The following EPG5 variants were observed in gnomAD, a reference collection of about 807,000 sequenced individuals.
The protein encoded by EPG5 is ectopic P granules protein 5 homolog.
A neutral mutation model predicts 302.7 loss-of-function variants in EPG5; 159 were observed. That is an observed-to-expected ratio of 0.53 (90% confidence interval 0.46 to 0.60). The LOEUF (loss-of-function observed/expected upper bound fraction) is 0.60, where lower values mean the gene tolerates loss of function less well. Among genes scored for constraint, EPG5 ranks in the 20% least tolerant of loss-of-function variants. EPG5 has a pLI of 0.00. For missense variants in EPG5, 2,896 were observed against 3,092.4 expected (o/e 0.94, Z 1.51); for synonymous variants, 1,158 against 1,136.8 (o/e 1.02, Z -0.37).
Position 45,852,386 on chromosome 18 carries a change from ATTGAGCAAAGTTAC to A in EPG5, c.*67_*80del. 7.3e-7 allele frequency: 1 copy of A among 1,371,964 alleles called. No homozygotes were observed. Among genetic ancestry groups the A allele is most frequent in the Non-Finnish European group, 1.0e-6 (1 of 995,696 alleles). The allele number at this position is 1,371,964 out of a possible 1,614,324, so 85.0% of individuals were successfully genotyped here. A position where few individuals can be genotyped will look rare whatever the true frequency, so the allele number is the denominator to read the frequency against. On this transcript the variant is annotated 3_prime_UTR_variant, in exon 44 of 44. Transcript: ENST00000282041. ...TGGCCAAACTGAGCTCTACAGTGCA[ATTGAGCAAAGTTAC>A]TTGTGCAACAGCAAAGTTAAATGTA...
the EPG5 span, among the ~76,000 whole-genome samples, chr18:45,806,258 T>C: frequency 6.6e-6 from 1 of 152,050 alleles, no homozygotes; most frequent in Non-Finnish European, 1.5e-5. Flanking sequence ...GGAAAACTAT[T>C]TTTACCATAA....
chr18:45,941,439 A>G (rs1016289810), intron 9 of EPG5, among the ~76,000 whole-genome samples: 2 of 152,190 alleles, frequency 1.3e-5, no homozygotes, highest in Non-Finnish European at 2.9e-5. Context: ...TCAAGTGAGG[A>G]TGGAGGAATA....
chr18:45,889,686 G>T, intron 28 of EPG5, 112 bp downstream of exon 28: 3 of 929,218 alleles, frequency 3.2e-6, no homozygotes, highest in Non-Finnish European at 4.6e-6. Flanking sequence ...GCTGATGTCT[G>T]TACTAAATTA....
chr18:45,837,472 C>A, the EPG5 span: 1 of 1,436,626 alleles, frequency 7.0e-7, no homozygotes, highest in South Asian at 1.5e-5. Flanking sequence ...GGCGCCTCGA[C>A]CCCAGGGCCC....
the EPG5 span, among the ~76,000 whole-genome samples, chr18:45,813,503 C>A: frequency 6.6e-6 from 1 of 152,174 alleles, no homozygotes; most frequent in Non-Finnish European, 1.5e-5. Context: ...ATAGCAAAGA[C>A]TTGGAACCAA....
chr18:45,847,467 T>C (rs1295927540), downstream of EPG5: 1 of 152,218 alleles, frequency 6.6e-6, no homozygotes, highest in East Asian at 1.9e-4. Flanking sequence ...ATTAGAGGCC[T>C]CGCCCATCGT....
chr18:45,923,507 T>A, intron 14 of EPG5, 120 bp from the exon 15 acceptor site: 3 of 1,099,400 alleles, frequency 2.7e-6, no homozygotes, highest in Non-Finnish European at 3.8e-6. Flanking sequence ...AGCTAAATGT[T>A]CCAAAAATCA....
chr18:45,838,172 A>G, the EPG5 span, among the ~76,000 whole-genome samples: 1 of 152,218 alleles, frequency 6.6e-6, no homozygotes, highest in Non-Finnish European at 1.5e-5. Context: ...AGTGGCTCTC[A>G]GACGAAGAGG....
At chr18:45,839,006 C>T in the EPG5 span, 1 of 1,592,778 alleles carries the variant, frequency 6.3e-7, no homozygotes, top group Non-Finnish European at 8.5e-7. Flanking sequence ...AGCGGGGCCT[C>T]GACGGTCGCC....
At chr18:45,839,060 G>C in the EPG5 span, 5 of 1,501,062 alleles carry the variant, frequency 3.3e-6, no homozygotes, top group African/African-American at 5.8e-5. Context: ...CTGCTGCTCG[G>C]GGTCCTGGCC....
In EPG5 at chr18:45,955,127, T is replaced by C; in HGVS notation, c.275A>G (p.Asn92Ser). ...TGTGTTACACGTCAGGGACTCTTCA[T>C]TGCTTATAGTTAAGGAGGTGAGTGG... ...DVPLTSLTISNEESLTCNTEP... is the reference protein window; with the variant it reads ...DVPLTSLTISSEESLTCNTEP... The change falls in exon 2 of 44, where the codon AAT becomes AGT. Residue 92 changes from asparagine (N) to serine (S), a missense_variant. Around this residue, in one of 5 missense-constraint regions of EPG5, gnomAD observed 1,390 missense variants for 1,430.0 expected, o/e 0.97. Coordinates refer to ENST00000282041, the MANE Select transcript of EPG5 (RefSeq NM_020964.3). The C allele has an allele frequency of 6.2e-7, 1 of 1,614,124 alleles. No individual in the cohort carries two copies. The highest frequency in any genetic ancestry group is 1.1e-5 in the South Asian group (1 of 91,074).
the EPG5 span, chr18:45,837,687 C>G: frequency 1.4e-6 from 2 of 1,478,418 alleles, no homozygotes; most frequent in Non-Finnish European, 1.8e-6. Flanking sequence ...TTCCGCTGCG[C>G]TGCGGCGCGG....
chr18:45,893,935 T>C (rs1203289122), intron 27 of EPG5, among the ~76,000 whole-genome samples: 1 of 152,204 alleles, frequency 6.6e-6, no homozygotes, highest in Admixed American at 6.5e-5. Flanking sequence ...AACTTACTTA[T>C]GAAGGGCATA....
In EPG5 at chr18:45,901,031, C is replaced by T. The variant is rs973368539; in HGVS notation, c.4611G>A (p.Val1537=). Residue 1537 remains valine, a synonymous_variant, in exon 26 of 44, where the codon GTG becomes GTA. Coordinates refer to ENST00000282041, the MANE Select transcript of EPG5 (RefSeq NM_020964.3). Reference sequence around the variant, plus strand: ...GTTGCAACAGATTCAGGTCTGTGCACACCAGCTGGGTGGCGTCCTTCTGAC... The same window carrying T: ...GTTGCAACAGATTCAGGTCTGTGCATACCAGCTGGGTGGCGTCCTTCTGAC... ...LLSQKDATQL[V]CTDLNLLQQQ... is the part of the protein sequence containing the mutation. The T allele has an allele frequency of 1.5e-5, 24 of 1,614,016 alleles. No individual in the cohort carries two copies. Among genetic ancestry groups the T allele is most frequent in the Non-Finnish European group, 1.8e-5 (21 of 1,180,000 alleles).
chr18:45,920,180 T>C (rs1814486788), intron 16 of EPG5, among the ~76,000 whole-genome samples: 1 of 152,208 alleles, frequency 6.6e-6, no homozygotes, highest in Non-Finnish European at 1.5e-5. Flanking sequence ...CCAGCATTTG[T>C]TGAATACCTA....
chr18:45,867,042 G>A (rs1380141114), intron 37 of EPG5, 35 bp from the exon 38 acceptor site: 1 of 1,547,228 alleles, frequency 6.5e-7, no homozygotes, highest in East Asian at 2.2e-5. Flanking sequence ...TAGTTCCAGA[G>A]CCCCAATTTT....
At chr18:45,913,090 CA>C (rs34356703) in intron 21 of EPG5, among the ~76,000 whole-genome samples, 35,150 of 108,146 alleles carry the variant, frequency 0.33, 4,821 homozygotes, top group African/African-American at 0.47. Context: ...GACTCTGTCT[CA>C]AAAAAAAAAA....
In EPG5 at chr18:45,934,961, C is replaced by T. The variant is rs775030892; in HGVS notation, c.2105G>A (p.Gly702Asp). 3.7e-6 allele frequency: 6 copies of T among 1,608,926 alleles called. No homozygotes were observed. The highest frequency in any genetic ancestry group is 1.7e-6 in the Non-Finnish European group (2 of 1,178,352). The change falls in exon 11 of 44, where the codon GGC becomes GAC. Residue 702 changes from glycine (G) to aspartate (D), a missense_variant. Gly to Asp is a moderately conservative substitution (Grantham distance 94). Around this residue, in one of 5 missense-constraint regions of EPG5, gnomAD observed 1,390 missense variants for 1,430.0 expected, o/e 0.97. Coordinates refer to ENST00000282041, the MANE Select transcript of EPG5 (RefSeq NM_020964.3). ...VLHVLKAKRL[G>D]IWLFMSEMPF... is the part of the protein sequence containing the mutation. Reference sequence around the variant, plus strand: ...CATCTCGGACATAAACAGCCAAATGCCAAGTCTGCATGTAAGCAGGAATCA... The same window carrying T: ...CATCTCGGACATAAACAGCCAAATGTCAAGTCTGCATGTAAGCAGGAATCA...
At chr18:45,957,204 A>G (rs2051052000) in intron 1 of EPG5, among the ~76,000 whole-genome samples, 1 of 152,158 alleles carries the variant, frequency 6.6e-6, no homozygotes, top group Admixed American at 6.6e-5. Context: ...AAAAAGATGA[A>G]TATTTTTGAC....
Sources: allele counts gnomAD v4.1 joint callset (sites outside exome capture counted in the v4.1 genomes callset), GRCh38; gene constraint gnomAD v4.1.1; regional missense constraint gnomAD v4.1.1; transcripts MANE v1.5; gene names NCBI Gene and HGNC (gene_info 2026-07-23, HGNC 2026-07-21).